PDIA5: variants seen among roughly 807,000 people sequenced by gnomAD.
PDIA5 encodes the protein protein disulfide isomerase family A member 5.
In PDIA5, 58 loss-of-function variants were observed where a neutral mutation model predicts 77.6. The observed-to-expected ratio is 0.75, with a 90% CI of 0.61 to 0.93. The LOEUF (loss-of-function observed/expected upper bound fraction) is 0.93, where lower values mean the gene tolerates loss of function less well. Ranked by LOEUF, PDIA5 falls within the 40% of genes least tolerant of loss-of-function variation. The probability of loss-of-function intolerance (pLI) is 0.00; values close to 1 mark genes in which losing one functional copy is unlikely to be tolerated. For missense variants in PDIA5, 630 were observed against 647.7 expected, an observed-to-expected ratio of 0.97 and a Z score of 0.30; for synonymous variants, 250 against 252.1, an observed-to-expected ratio of 0.99 and a Z score of 0.08.
intron 11 of PDIA5, among the ~76,000 whole-genome samples, chr3:123,140,597 T>TGTG (rs3840216): frequency 6.6e-6 from 1 of 151,970 alleles, no homozygotes; most frequent in African/African-American, 2.4e-5. Flanking sequence ...GGATGTTGCC[T>TGTG]ATCCATCAGA....
chr3:123,161,709 G>T (rs1452378126), intron 16 of PDIA5, 171 bp from the exon 17 acceptor site: 7 of 665,148 alleles, frequency 1.1e-5, no homozygotes, highest in Non-Finnish European at 1.6e-5. Context: ...TCACTTGCTG[G>T]TCGGGGCTGG....
At chr3:123,116,384 T>G in intron 8 of PDIA5, 86 bp downstream of exon 8, 1 of 1,022,774 alleles carries the variant, frequency 9.8e-7, no homozygotes, top group Non-Finnish European at 1.5e-6. Context: ...GGGGACAGGT[T>G]TTGAAATGGT....
chr3:123,075,866 C>A (rs1003841416), intron 1 of PDIA5, among the ~76,000 whole-genome samples: 12 of 152,174 alleles, frequency 7.9e-5, no homozygotes, highest in African/African-American at 2.7e-4. Flanking sequence ...AGACACATTT[C>A]CAAGTTAATC....
chr3:123,085,412 C>T (rs1934111922), intron 1 of PDIA5, among the ~76,000 whole-genome samples: 1 of 152,166 alleles, frequency 6.6e-6, no homozygotes, highest in South Asian at 2.1e-4. Flanking sequence ...AGTAAATTTG[C>T]TCAGCGCGTT....
At chr3:123,118,907 AT>A (rs1935049906) in intron 8 of PDIA5, among the ~76,000 whole-genome samples, 1 of 152,188 alleles carries the variant, frequency 6.6e-6, no homozygotes, top group Admixed American at 6.5e-5. Context: ...TGGGAAGGAC[AT>A]TTGTGGGACA....
Position 123,146,233 on chromosome 3 carries a change from G to T in PDIA5, c.1116G>T (p.Lys372Asn). The T allele has an allele frequency of 6.2e-7, 1 of 1,614,028 alleles. No homozygotes were observed. The highest frequency in any genetic ancestry group is 8.5e-7 in the Non-Finnish European group (1 of 1,179,900). The change falls in exon 13 of 17, where the codon AAG becomes AAT. Residue 372 changes from lysine (K) to asparagine (N), a missense_variant. Coordinates refer to ENST00000316218, the MANE Select transcript of PDIA5 (RefSeq NM_006810.4). The part of the protein sequence containing the change: ...EKYAVPVLRT[K>N]KKFLEWMQNP... ...ACGCAGTGCCTGTGCTCAGGACAAA[G>T]AAGAAGTTTCTCGAGTGGATGCAAA... is the stretch of plus-strand genomic sequence containing the variant.
intron 7 of PDIA5, among the ~76,000 whole-genome samples, chr3:123,114,910 C>T (rs2332444): frequency 6.5e-4 from 99 of 152,330 alleles, no homozygotes; most frequent in Non-Finnish European, 1.3e-3. Flanking sequence ...ATCTGTCAGA[C>T]AGGAATGTCA....
intron 3 of PDIA5, among the ~76,000 whole-genome samples, chr3:123,101,081 G>T (rs1050726455): frequency 2.0e-5 from 3 of 152,212 alleles, no homozygotes; most frequent in Non-Finnish European, 4.4e-5. Flanking sequence ...TGGGGAAGCT[G>T]TTGAGAACAG....
At chr3:123,146,610 A>G (rs2107983131) in intron 13 of PDIA5, among the ~76,000 whole-genome samples, 1 of 152,288 alleles carries the variant, frequency 6.6e-6, no homozygotes. Flanking sequence ...AGCTAGACTC[A>G]TTTCGTCCAG....
At chr3:123,145,855 G>T (rs1935756246) in intron 12 of PDIA5, among the ~76,000 whole-genome samples, 1 of 152,172 alleles carries the variant, frequency 6.6e-6, no homozygotes, top group Non-Finnish European at 1.5e-5. Context: ...ACAGGAACAG[G>T]TGCCAATCTA....
rs536828343 is a variant in PDIA5, at chr3:123,067,761, T to C, written c.42+555T>C. Among the ~76,000 whole-genome samples, 7 of 152,308 alleles carry C rather than the reference T, an allele frequency of 4.6e-5. No individual in the cohort carries two copies. The East Asian group carries it at 9.7e-4, about 21-fold the overall frequency. Reference sequence around the variant, plus strand: ...ACGTAGCCCGCCCCGGCGGAGGAGCTGCTCCTACACCCAACTGAGGCGGGC... The same window carrying C: ...ACGTAGCCCGCCCCGGCGGAGGAGCCGCTCCTACACCCAACTGAGGCGGGC... On this transcript the variant is annotated intron_variant, in intron 1 of 16. Coordinates refer to ENST00000316218, the MANE Select transcript of PDIA5 (RefSeq NM_006810.4).
In PDIA5 at chr3:123,151,097, C is replaced by T. The variant is rs181794235; in HGVS notation, c.1273+733C>T. On this transcript the variant is annotated intron_variant, in intron 14 of 16. Transcript: ENST00000316218. ...ATAAACCTGCTCAGTTGTAGCTGGC[C>T]CTCCTGTTGGCTCCCCCGTCCCCAC... 2.4e-4 allele frequency among the ~76,000 whole-genome samples: 36 copies of T among 152,268 alleles called. No individual in the cohort carries two copies. The East Asian group carries it at 4.1e-3, about 17-fold the overall frequency.
At chr3:123,109,134 G>A (rs1396612654) in intron 6 of PDIA5, among the ~76,000 whole-genome samples, 2 of 152,160 alleles carry the variant, frequency 1.3e-5, no homozygotes, top group African/African-American at 4.8e-5. Flanking sequence ...ACACCTGTAG[G>A]GAATCCTCTT....
intron 15 of PDIA5, among the ~76,000 whole-genome samples, chr3:123,158,947 CTT>C (rs1936085020): frequency 6.6e-6 from 1 of 152,210 alleles, no homozygotes; most frequent in African/African-American, 2.4e-5. Flanking sequence ...GCATTTGTCT[CTT>C]CTTCTGTGGA....
intron 1 of PDIA5, among the ~76,000 whole-genome samples, chr3:123,086,994 A>C (rs1435227607): frequency 6.6e-6 from 1 of 151,410 alleles, no homozygotes; most frequent in Admixed American, 6.6e-5. Flanking sequence ...GCCAATTCTG[A>C]CTCCTGATCT....
At chr3:123,126,818 G>A (rs1429389548) in intron 10 of PDIA5, among the ~76,000 whole-genome samples, 8 of 152,352 alleles carry the variant, frequency 5.3e-5, no homozygotes, top group Non-Finnish European at 7.3e-5. Flanking sequence ...CCTTCAATGC[G>A]TGACTCTGGT....
At chr3:123,113,274 T>C (rs1043000502) in intron 7 of PDIA5, among the ~76,000 whole-genome samples, 6 of 152,110 alleles carry the variant, frequency 3.9e-5, no homozygotes, top group South Asian at 4.2e-4. Context: ...ACCAGGCAGG[T>C]CTCAGTGTGA....
intron 1 of PDIA5, among the ~76,000 whole-genome samples, chr3:123,088,122 T>C (rs891934696): frequency 2.6e-5 from 4 of 152,200 alleles, no homozygotes; most frequent in African/African-American, 9.7e-5. Context: ...GGAACTTTTC[T>C]TACTCAATCT....
chr3:123,084,859 C>T (rs970727338), intron 1 of PDIA5, among the ~76,000 whole-genome samples: 1 of 152,220 alleles, frequency 6.6e-6, no homozygotes, highest in Non-Finnish European at 1.5e-5. Context: ...CCTCCACCTC[C>T]GGCCTCCCTG....
Sources: allele counts gnomAD v4.1 joint callset (sites outside exome capture counted in the v4.1 genomes callset), GRCh38; gene constraint gnomAD v4.1.1; transcripts MANE v1.5; gene names NCBI Gene and HGNC (gene_info 2026-07-23, HGNC 2026-07-21).